Variants in VKORC1L1 observed in about 807,000 individuals in gnomAD.
The protein encoded by VKORC1L1 is vitamin K epoxide reductase complex subunit 1-like protein 1.
VKORC1L1 carries 2 observed loss-of-function variants against 18.9 expected under a neutral mutation model. The observed-to-expected ratio is 0.11, with a 90% confidence interval of 0.04 to 0.33. The LOEUF (loss-of-function observed/expected upper bound fraction) is 0.33. Ranked by LOEUF, VKORC1L1 falls within the 10% of genes least tolerant of loss-of-function variation. VKORC1L1 has a pLI of 1.00. For synonymous variants in VKORC1L1, 96 were observed against 100.0 expected (o/e 0.96, Z 0.24); for missense variants, 123 against 224.1 (o/e 0.55, Z 2.88).
upstream of VKORC1L1, among the ~76,000 whole-genome samples, chr7:65,871,550 C>T (rs998519593): frequency 1.3e-5 from 2 of 152,186 alleles, no homozygotes; most frequent in Non-Finnish European, 2.9e-5. Context: ...GATGGGATGT[C>T]ACTTCTGGGA....
chr7:65,942,452 A>G (rs986673448), intron 1 of VKORC1L1, among the ~76,000 whole-genome samples: 5 of 145,248 alleles, frequency 3.4e-5, no homozygotes, highest in African/African-American at 1.3e-4. Flanking sequence ...AGACCACGCC[A>G]CTGCACACCG....
intron 1 of VKORC1L1, among the ~76,000 whole-genome samples, chr7:65,938,340 G>A (rs1478225880): frequency 6.6e-6 from 1 of 152,154 alleles, no homozygotes; most frequent in Non-Finnish European, 1.5e-5. Flanking sequence ...AACAGGTTTG[G>A]GAGAGTATAT....
At chr7:65,876,915 G>A (rs1375172570) in intron 1 of VKORC1L1, among the ~76,000 whole-genome samples, 4 of 152,102 alleles carry the variant, frequency 2.6e-5, no homozygotes, top group African/African-American at 7.2e-5. Context: ...GCATGGTGGC[G>A]CATGCCTGTA....
chr7:65,872,816 AAAGGATGGCAATTG>A (rs1011829344), upstream of VKORC1L1, among the ~76,000 whole-genome samples: 1 of 152,150 alleles, frequency 6.6e-6, no homozygotes, highest in Middle Eastern at 3.4e-3. Flanking sequence ...AAAAAGGGAA[AAAGGATGGCAATTG>A]ATTGCCATCC....
At chr7:65,892,896 T>A (rs1420159746) in intron 1 of VKORC1L1, among the ~76,000 whole-genome samples, 1 of 152,376 alleles carries the variant, frequency 6.6e-6, no homozygotes, top group Admixed American at 6.5e-5. Flanking sequence ...GTCCCAGGAC[T>A]ATGCAGGTTT....
chr7:65,909,375 G>A (rs1193219160), intron 1 of VKORC1L1, among the ~76,000 whole-genome samples: 1 of 151,968 alleles, frequency 6.6e-6, no homozygotes, highest in Non-Finnish European at 1.5e-5. Flanking sequence ...TTACCGAGAT[G>A]TCGTGATGGG....
intron 1 of VKORC1L1, among the ~76,000 whole-genome samples, chr7:65,894,620 C>T (rs1178038461): frequency 1.3e-5 from 2 of 151,984 alleles, no homozygotes; most frequent in African/African-American, 4.8e-5. Flanking sequence ...CCCAGCTACT[C>T]GGGAGGCTGA....
chr7:65,938,772 C>T (rs1466642479), intron 1 of VKORC1L1, among the ~76,000 whole-genome samples: 1 of 152,232 alleles, frequency 6.6e-6, no homozygotes, highest in East Asian at 1.9e-4. Flanking sequence ...TCCTAAAGAG[C>T]CCGAACAGCT....
intron 1 of VKORC1L1, among the ~76,000 whole-genome samples, chr7:65,899,679 A>G (rs1324603130): frequency 6.6e-6 from 1 of 152,056 alleles, no homozygotes; most frequent in East Asian, 1.9e-4. Flanking sequence ...AAACAGCTGG[A>G]GTTACGAGAT....
chr7:65,900,485 G>T (rs192682724), intron 1 of VKORC1L1, among the ~76,000 whole-genome samples: 3,891 of 151,916 alleles, frequency 0.026, 84 homozygotes, highest in Middle Eastern at 0.075. Flanking sequence ...ACTGCTGTTT[G>T]TTCCTCTGGT....
chr7:65,896,938 G>A (rs1290753494), intron 1 of VKORC1L1, among the ~76,000 whole-genome samples: 1 of 152,192 alleles, frequency 6.6e-6, no homozygotes, highest in Non-Finnish European at 1.5e-5. Context: ...GGTGGAGGTT[G>A]CAGTGAGCCG....
At chr7:65,925,288 G>A (rs143398024) in intron 1 of VKORC1L1, among the ~76,000 whole-genome samples, 10 of 152,290 alleles carry the variant, frequency 6.6e-5, no homozygotes, top group African/African-American at 1.7e-4. Context: ...AAACCCGGGA[G>A]TCAGTCATTC....
At chr7:65,882,661 A>C (rs184176743) in intron 1 of VKORC1L1, among the ~76,000 whole-genome samples, 206 of 152,212 alleles carry the variant, frequency 1.4e-3, no homozygotes, top group African/African-American at 4.7e-3. Context: ...CTGTAGCTTT[A>C]TGTTGATATT....
chr7:65,911,779 T>C (rs1258038676), intron 1 of VKORC1L1, among the ~76,000 whole-genome samples: 2 of 152,198 alleles, frequency 1.3e-5, no homozygotes, highest in African/African-American at 2.4e-5. Flanking sequence ...ACTGACCCTG[T>C]CGTGGATTCA....
intron 1 of VKORC1L1, among the ~76,000 whole-genome samples, chr7:65,938,897 G>T (rs1279591453): frequency 6.6e-6 from 1 of 152,190 alleles, no homozygotes; most frequent in Non-Finnish European, 1.5e-5. Context: ...GCACTCCGGG[G>T]GCTTTGGGTT....
At chr7:65,934,979 G>A (rs1183713793) in intron 1 of VKORC1L1, among the ~76,000 whole-genome samples, 1 of 151,420 alleles carries the variant, frequency 6.6e-6, no homozygotes, top group Admixed American at 6.6e-5. Context: ...ACTTGAACCC[G>A]GGAGGTGGAT....
intron 1 of VKORC1L1, among the ~76,000 whole-genome samples, chr7:65,919,501 A>G (rs1200534355): frequency 1.3e-5 from 2 of 152,234 alleles, no homozygotes; most frequent in Non-Finnish European, 2.9e-5. Context: ...CTTCCCAGCT[A>G]GTAAAGTCAG....
chr7:65,923,266 G>A (rs568594073), intron 1 of VKORC1L1, among the ~76,000 whole-genome samples: 25 of 152,242 alleles, frequency 1.6e-4, no homozygotes, highest in Non-Finnish European at 2.8e-4. Flanking sequence ...GCCGGGTGTT[G>A]TGGTGCATGC....
chr7:65,903,644 C>T (rs533685316), intron 1 of VKORC1L1, among the ~76,000 whole-genome samples: 14 of 152,106 alleles, frequency 9.2e-5, no homozygotes, highest in Admixed American at 2.0e-4. Flanking sequence ...TGGTGGCGCG[C>T]GCCTGTGGTT....
Sources: gnomAD v4.1 joint callset for allele counts (sites outside exome capture counted in the v4.1 genomes callset) on GRCh38, gnomAD v4.1.1 for gene constraint, MANE v1.5 for transcripts, NCBI Gene and HGNC (gene_info 2026-07-23, HGNC 2026-07-21) for gene names.